Variants in KATNAL2 observed in about 807,000 individuals in gnomAD.
KATNAL2 encodes the protein katanin p60 ATPase-containing subunit A-like 2.
In KATNAL2, 52 loss-of-function variants were observed where a neutral mutation model predicts 76.3. The observed-to-expected ratio is 0.68, with a 90% CI of 0.55 to 0.86. KATNAL2 has a LOEUF of 0.86. Ranked by LOEUF, KATNAL2 falls within the 40% of genes least tolerant of loss-of-function variation. The pLI, the probability that KATNAL2 is intolerant of heterozygous loss-of-function variation, is 0.00. For missense variants in KATNAL2, 660 were observed against 668.9 expected, an observed-to-expected ratio of 0.99 and a Z score of 0.15; for synonymous variants, 243 against 244.2, an observed-to-expected ratio of 1.00 and a Z score of 0.05.
intron 3 of KATNAL2, among the ~76,000 whole-genome samples, chr18:47,037,594 A>G (rs1360844497): frequency 6.6e-6 from 1 of 151,770 alleles, no homozygotes; most frequent in Non-Finnish European, 1.5e-5. Flanking sequence ...GGGCAGAAAG[A>G]TGTAGATCTG....
At chr18:46,952,890 C>CTTTT (rs35782374) in intron 3 of KATNAL2, among the ~76,000 whole-genome samples, 136 of 93,062 alleles carry the variant, frequency 1.5e-3, no homozygotes, top group African/African-American at 2.0e-3. Context: ...TTCCTTCCTT[C>CTTTT]TTTTTTTTTT....
intron 15 of KATNAL2, among the ~76,000 whole-genome samples, chr18:47,089,877 A>G (rs2147353574): frequency 6.6e-6 from 1 of 152,306 alleles, no homozygotes. Context: ...CCCTGCACCT[A>G]AAGGTCAGTC....
chr18:47,065,823 GA>G (rs1022836329), intron 10 of KATNAL2, among the ~76,000 whole-genome samples: 6 of 151,132 alleles, frequency 4.0e-5, no homozygotes, highest in Non-Finnish European at 8.9e-5. Flanking sequence ...TACAAAAAAT[GA>G]AAAAAAATAG....
intron 15 of KATNAL2, among the ~76,000 whole-genome samples, chr18:47,080,444 C>A (rs769933408): frequency 2.0e-5 from 3 of 152,170 alleles, no homozygotes; most frequent in African/African-American, 4.8e-5. Flanking sequence ...CAAAAAGAAA[C>A]CCTGTACTCA....
At chr18:47,065,494 C>T (rs72903232) in intron 10 of KATNAL2, among the ~76,000 whole-genome samples, 3,918 of 151,998 alleles carry the variant, frequency 0.026, 64 homozygotes, top group Non-Finnish European at 0.041. Context: ...CTTCCATATG[C>T]CCAGAGACCA....
chr18:46,960,648 A>G (rs1489734550), intron 3 of KATNAL2, among the ~76,000 whole-genome samples: 1 of 152,194 alleles, frequency 6.6e-6, no homozygotes, highest in African/African-American at 2.4e-5. Context: ...AGACATTTGC[A>G]TTATGACTGA....
intron 1 of KATNAL2, among the ~76,000 whole-genome samples, chr18:46,931,231 C>T (rs1359930440): frequency 1.3e-5 from 2 of 151,082 alleles, no homozygotes; most frequent in Non-Finnish European, 2.9e-5. Context: ...ACCCAGGAAG[C>T]GGAGGTTGCA....
At chr18:47,100,225 A>C in intron 16 of KATNAL2, 29 bp from the exon 17 acceptor site, 19 of 1,546,122 alleles carry the variant, frequency 1.2e-5, no homozygotes, top group Non-Finnish European at 1.7e-5. Context: ...CTGCCCACTG[A>C]CCAATGGCTG....
chr18:47,072,653 C>A (rs1286594382), intron 13 of KATNAL2, among the ~76,000 whole-genome samples: 3 of 152,110 alleles, frequency 2.0e-5, no homozygotes, highest in African/African-American at 4.8e-5. Context: ...TGCCCAGGCT[C>A]CTCTTGAACT....
rs2062162771 is a variant in KATNAL2, at chr18:47,075,306, C to G, written c.1038C>G (p.Ala346=). The G allele has an allele frequency of 1.3e-6, 2 of 1,562,168 alleles. No homozygotes were observed. Among genetic ancestry groups the G allele is most frequent in the African/African-American group, 1.4e-5 (1 of 71,426 alleles). The part of the protein sequence containing the change: ...RVLFELARYH[A]PSTIFLDELE... ...TATTTGAGCTTGCCCGCTACCACGCCCCATCCACGATCTTCCTGGACGAGC... is the reference window on the plus strand; with the variant it reads ...TATTTGAGCTTGCCCGCTACCACGCGCCATCCACGATCTTCCTGGACGAGC... The change falls in exon 14 of 18, where the codon GCC becomes GCG. Residue 346 remains alanine, a synonymous_variant. Coordinates refer to ENST00000683218, the MANE Select transcript of KATNAL2 (RefSeq NM_001387690.1).
At chr18:46,940,341 A>G (rs1196083525) in intron 1 of KATNAL2, among the ~76,000 whole-genome samples, 1 of 152,248 alleles carries the variant, frequency 6.6e-6, no homozygotes, top group Non-Finnish European at 1.5e-5. Context: ...GTTTGTGGAT[A>G]AGATCCAATA....
At chr18:46,922,101 C>CTT (rs10714256) in intron 1 of KATNAL2, among the ~76,000 whole-genome samples, 6 of 140,912 alleles carry the variant, frequency 4.3e-5, no homozygotes, top group East Asian at 2.1e-4. Context: ...TTTTTCCTCA[C>CTT]TTTTTTTTTT....
intron 1 of KATNAL2, among the ~76,000 whole-genome samples, chr18:46,918,778 ACT>A: frequency 6.6e-6 from 1 of 151,004 alleles, no homozygotes; most frequent in Non-Finnish European, 1.5e-5. Context: ...ATAATTTCCC[ACT>A]CTCTTCTTTG....
intron 15 of KATNAL2, among the ~76,000 whole-genome samples, chr18:47,096,526 G>C (rs915514709): frequency 6.6e-6 from 1 of 152,098 alleles, no homozygotes; most frequent in South Asian, 2.1e-4. Flanking sequence ...ATTGTGCAGA[G>C]ACGGGGTCTC....
At chr18:46,942,192 T>C (rs2059265596) in intron 1 of KATNAL2, among the ~76,000 whole-genome samples, 2 of 108,430 alleles carry the variant, frequency 1.8e-5, no homozygotes, top group Non-Finnish European at 4.1e-5. Flanking sequence ...TCATATCTAA[T>C]ACAGCCTTTT....
chr18:46,928,391 A>G (rs544053401), intron 1 of KATNAL2, among the ~76,000 whole-genome samples: 28 of 152,312 alleles, frequency 1.8e-4, no homozygotes, highest in Non-Finnish European at 3.2e-4. Context: ...CGGTGGCTGC[A>G]GAACAGCGGA....
At chr18:47,080,343 C>G (rs1427717193) in intron 15 of KATNAL2, among the ~76,000 whole-genome samples, 1 of 152,122 alleles carries the variant, frequency 6.6e-6, no homozygotes, top group Non-Finnish European at 1.5e-5. Flanking sequence ...ACCCAATTCA[C>G]CCATTTAGAG....
intron 6 of KATNAL2, among the ~76,000 whole-genome samples, chr18:47,055,595 G>T (rs951272444): frequency 2.0e-5 from 3 of 152,198 alleles, no homozygotes; most frequent in Non-Finnish European, 2.9e-5. Flanking sequence ...GTGCTATTCT[G>T]CAGGAAGAGT....
chr18:47,097,072 C>T (rs761123046), intron 15 of KATNAL2, among the ~76,000 whole-genome samples: 5 of 144,296 alleles, frequency 3.5e-5, no homozygotes, highest in African/African-American at 5.2e-5. Flanking sequence ...TGAGCTGTGA[C>T]GGCACCACTG....
Sources: allele counts gnomAD v4.1 joint callset (sites outside exome capture counted in the v4.1 genomes callset), GRCh38; gene constraint gnomAD v4.1.1; transcripts MANE v1.5; gene names NCBI Gene and HGNC (gene_info 2026-07-23, HGNC 2026-07-21).